Variants in STN1 observed in about 807,000 individuals in gnomAD.
STN1 encodes the protein STN1 subunit of CST complex, also known as CST complex subunit STN1.
A neutral mutation model predicts 45.5 loss-of-function variants in STN1; 29 were observed. That is an observed-to-expected ratio of 0.64 (90% confidence interval 0.47 to 0.87). STN1 has a LOEUF of 0.87. Among genes scored for constraint, STN1 ranks in the 40% least tolerant of loss-of-function variants. The pLI is 0.00. For missense variants in STN1, 376 were observed against 441.4 expected (o/e 0.85, Z 1.33); for synonymous variants, 148 against 159.0 (o/e 0.93, Z 0.52).
Position 103,884,342 on chromosome 10 carries a change from A to G in STN1, c.950-1501T>C, listed in dbSNP as rs561558466. 3.3e-5 allele frequency among the ~76,000 whole-genome samples: 5 copies of G among 152,248 alleles called. No individual in the cohort carries two copies. In the South Asian group the frequency reaches 1.0e-3, roughly 32 times the overall value. On this transcript the variant is annotated intron_variant, in intron 9 of 9. Transcript: ENST00000224950. Reference sequence around the variant, plus strand: ...TTGCGATCAGCAACTTTTTCTTACCAAACTCAAAGAGAGCAGAAATAGAAC... The same window carrying G: ...TTGCGATCAGCAACTTTTTCTTACCGAACTCAAAGAGAGCAGAAATAGAAC...
chr10:103,914,368 ATATATAT>A (rs1448870966), intron 2 of STN1, among the ~76,000 whole-genome samples: 78 of 15,426 alleles, frequency 5.1e-3, no homozygotes, highest in Middle Eastern at 0.042. Flanking sequence ...ATATATATAT[ATATATAT>A]TTTTTTTTTT....
In STN1 at chr10:103,909,516, A is replaced by ATATGTG. The variant is rs1564635190; in HGVS notation, c.229+1010_229+1011insCACATA. Among the ~76,000 whole-genome samples, 69 of 25,364 alleles carry ATATGTG rather than the reference A, an allele frequency of 2.7e-3. 15 individuals are homozygous for ATATGTG. The East Asian group carries it at 0.18, about 67-fold the overall frequency. 16.6% of individuals were successfully genotyped at this position (25,364 alleles called of 152,430 possible). A position where few individuals can be genotyped will look rare whatever the true frequency, so the allele number is the denominator to read the frequency against. On this transcript the variant is annotated intron_variant, in intron 3 of 9. Transcript: ENST00000224950. Reference sequence around the variant, plus strand: ...TGTGTGTATATGTATATATGTATATATGTATATATATGTACATATATATGT... The same window carrying ATATGTG: ...TGTGTGTATATGTATATATGTATATATATGTGTGTATATATATGTACATATATATGT...
intron 9 of STN1, among the ~76,000 whole-genome samples, chr10:103,887,358 C>G (rs1843110860): frequency 1.3e-5 from 2 of 152,066 alleles, no homozygotes. Flanking sequence ...TATAGTTTAT[C>G]CCTGATAGAA....
intron 2 of STN1, among the ~76,000 whole-genome samples, chr10:103,916,210 T>C (rs1307447016): frequency 1.3e-5 from 2 of 152,238 alleles, no homozygotes; most frequent in African/African-American, 2.4e-5. Flanking sequence ...TGTTGGTTTG[T>C]TTTTAACACA....
At chr10:103,885,213 G>C (rs1162205001) in intron 9 of STN1, among the ~76,000 whole-genome samples, 1 of 152,192 alleles carries the variant, frequency 6.6e-6, no homozygotes, top group Non-Finnish European at 1.5e-5. Flanking sequence ...CTCTAGAAAA[G>C]CTTCATCCCT....
At position 103,909,532 on chromosome 10, in the gene STN1, A is replaced by ATATATGTGTGTG. The variant is rs1564635220; in HGVS notation, c.229+994_229+995insCACACACATATA. ...TATGTATATATGTATATATATGTACATATATATGTACATATATATATGCTG... is the reference window on the plus strand; with the variant it reads ...TATGTATATATGTATATATATGTACATATATGTGTGTGTATATATGTACATATATATATGCTG... On this transcript the variant is annotated intron_variant, in intron 3 of 9. Coordinates refer to ENST00000224950, the MANE Select transcript of STN1 (RefSeq NM_024928.5). Among the ~76,000 whole-genome samples the ATATATGTGTGTG allele has an allele frequency of 8.5e-4, 50 of 58,506 alleles. 4 individuals carry two copies. The highest frequency in any genetic ancestry group is 2.6e-3 in the African/African-American group (45 of 17,344). The allele number at this position is 58,506 out of a possible 152,430, so 38.4% of individuals were successfully genotyped here.
chr10:103,886,268 G>A (rs1302554100), intron 9 of STN1, among the ~76,000 whole-genome samples: 1 of 152,148 alleles, frequency 6.6e-6, no homozygotes, highest in Non-Finnish European at 1.5e-5. Context: ...CTCATCAAAT[G>A]TTAATTTTCT....
At chr10:103,908,199 A>T (rs2134372456) in intron 3 of STN1, among the ~76,000 whole-genome samples, 1 of 151,986 alleles carries the variant, frequency 6.6e-6, no homozygotes, top group Admixed American at 6.5e-5. Flanking sequence ...TCTTGACTGT[A>T]GCCTTCCAAT....
Position 103,900,196 on chromosome 10 carries a change from C to T in STN1, c.323G>A (p.Ser108Asn). 1.9e-6 allele frequency: 3 copies of T among 1,614,142 alleles called. No individual in the cohort carries two copies. The highest frequency in any genetic ancestry group is 2.5e-6 in the Non-Finnish European group (3 of 1,180,004). ...TAGCTTCTTAAGTTGTGAGGTTAAGCTGAGCTCTCTTGCTGCACTTGGAGC... is the reference window on the plus strand; with the variant it reads ...TAGCTTCTTAAGTTGTGAGGTTAAGTTGAGCTCTCTTGCTGCACTTGGAGC... Reference protein sequence around the residue: ...SAAPSAARELSLTSQLKKLQE... With the variant: ...SAAPSAARELNLTSQLKKLQE... The change falls in exon 5 of 10, where the codon AGC (serine) becomes AAC (asparagine). Residue 108 changes from serine (S) to asparagine (N), a missense_variant. Coordinates refer to ENST00000224950, the MANE Select transcript of STN1 (RefSeq NM_024928.5).
intron 8 of STN1, among the ~76,000 whole-genome samples, chr10:103,891,189 C>T (rs958542333): frequency 6.6e-6 from 1 of 152,102 alleles, no homozygotes; most frequent in African/African-American, 2.4e-5. Flanking sequence ...CAAAAATAGC[C>T]ACAGCAACAC....
chr10:103,882,964 A>C, intron 9 of STN1, 123 bp from the exon 10 acceptor site: 10 of 927,048 alleles, frequency 1.1e-5, no homozygotes, highest in Non-Finnish European at 1.6e-5. Context: ...TGCACATTAA[A>C]GTCAGAAATG....
At chr10:103,902,277 A>T (rs1843214738) in intron 4 of STN1, among the ~76,000 whole-genome samples, 1 of 152,140 alleles carries the variant, frequency 6.6e-6, no homozygotes, top group Non-Finnish European at 1.5e-5. Flanking sequence ...TACTTTTTCA[A>T]AAGTAGCAGT....
At chr10:103,914,666 A>T (rs1157208921) in intron 2 of STN1, among the ~76,000 whole-genome samples, 1 of 151,566 alleles carries the variant, frequency 6.6e-6, no homozygotes, top group Admixed American at 6.6e-5. Context: ...TTTTTTTTTA[A>T]TGCAAAAAAA....
chr10:103,887,153 T>A (rs1404914594), intron 9 of STN1, among the ~76,000 whole-genome samples: 1 of 152,212 alleles, frequency 6.6e-6, no homozygotes, highest in Non-Finnish European at 1.5e-5. Flanking sequence ...GAGGGTCGGA[T>A]ATTTACCTAT....
chr10:103,910,617 A>G lies in STN1; in HGVS notation c.139T>C (p.Phe47Leu). The G allele has an allele frequency of 6.3e-7, 1 of 1,593,678 alleles. No homozygotes were observed. The highest frequency in any genetic ancestry group is 1.1e-5 in the South Asian group (1 of 90,314). The change falls in exon 3 of 10, where the codon TTT becomes CTT. Residue 47 changes from phenylalanine to leucine, a missense_variant. Transcript: ENST00000224950. ...MKESRQVPGV[F>L]LYNGHPIKQV... ...TTTATTGGATGTCCATTGTACAAAA[A>G]TACACCTAAAATTTAAAAAAAGCAA...
intron 8 of STN1, among the ~76,000 whole-genome samples, chr10:103,891,461 G>A (rs1402661709): frequency 3.3e-5 from 5 of 152,198 alleles, no homozygotes; most frequent in African/African-American, 1.2e-4. Context: ...GGTTGCCACA[G>A]TTGGGGTGTT....
intron 7 of STN1, among the ~76,000 whole-genome samples, chr10:103,895,514 G>C (rs1843165387): frequency 6.6e-6 from 1 of 152,228 alleles, no homozygotes. Flanking sequence ...CTTGCTGTCA[G>C]CCGACAGCTG....
chr10:103,884,757 G>A (rs1357962338), intron 9 of STN1, among the ~76,000 whole-genome samples: 2 of 152,192 alleles, frequency 1.3e-5, no homozygotes, highest in Admixed American at 6.5e-5. Context: ...GCCATCCCTA[G>A]GCCTGAGTGT....
intron 3 of STN1, among the ~76,000 whole-genome samples, chr10:103,909,382 A>ATATATATGTATATATGTATATATATG (rs1564634910): frequency 1.2e-5 from 1 of 86,844 alleles, no homozygotes; most frequent in African/African-American, 4.4e-5. Context: ...ATATATATGT[A>ATATATATGTATATATGTATATATATG]TATATATGTA....
Sources: gnomAD v4.1 joint callset for allele counts (sites outside exome capture counted in the v4.1 genomes callset) on GRCh38, gnomAD v4.1.1 for gene constraint, MANE v1.5 for transcripts, NCBI Gene and HGNC (gene_info 2026-07-23, HGNC 2026-07-21) for gene names.